The following KLHL12 variants were observed in gnomAD, a reference collection of about 807,000 sequenced individuals.
KLHL12 encodes kelch-like protein 12.
A neutral mutation model predicts 60.8 loss-of-function variants in KLHL12; 17 were observed. The observed-to-expected ratio is 0.28, with a 90% CI of 0.19 to 0.42. KLHL12 has a LOEUF of 0.42. KLHL12 is among the 10% of genes least tolerant of loss of function. The pLI is 1.00. For synonymous variants in KLHL12, 220 were observed against 250.9 expected (o/e 0.88, Z 1.16); for missense variants, 468 against 722.3 (o/e 0.65, Z 4.04).
upstream of KLHL12, among the ~76,000 whole-genome samples, chr1:202,927,746 G>C (rs964875557): frequency 6.7e-6 from 1 of 149,870 alleles, no homozygotes; most frequent in Non-Finnish European, 1.5e-5. Flanking sequence ...TTGGGAGGCC[G>C]AGGCGGGTGT....
chr1:202,895,728 G>A lies in KLHL12; in HGVS notation c.940-11C>T, dbSNP rs1002352756. On this transcript the variant is annotated splice_polypyrimidine_tract_variant and intron_variant, in intron 7 of 11. Coordinates refer to ENST00000367261, the MANE Select transcript of KLHL12 (RefSeq NM_021633.4). The surrounding 1 kb of genome is among the most constrained non-coding windows in gnomAD (Gnocchi z 4.2). Reference sequence around the variant, plus strand: ...CTTACGAGTGATGCTCTATGGATTTGGAGAGAAGAGGTACAGAGCATTTCA... The same window carrying A: ...CTTACGAGTGATGCTCTATGGATTTAGAGAGAAGAGGTACAGAGCATTTCA... 3.1e-6 allele frequency: 5 copies of A among 1,610,930 alleles called. No individual in the cohort carries two copies. The highest frequency in any genetic ancestry group is 4.2e-6 in the Non-Finnish European group (5 of 1,177,676).
chr1:202,922,372 C>T (rs1660720022), intron 2 of KLHL12, among the ~76,000 whole-genome samples: 1 of 150,818 alleles, frequency 6.6e-6, no homozygotes, highest in African/African-American at 2.4e-5. Flanking sequence ...TCGAGACCAT[C>T]CTGGCTAACA....
chr1:202,927,856 C>T (rs1366101024), upstream of KLHL12, among the ~76,000 whole-genome samples: 2 of 151,656 alleles, frequency 1.3e-5, no homozygotes, highest in African/African-American at 2.4e-5. Flanking sequence ...GTGGCACGCG[C>T]CTGTAATCCC....
intron 4 of KLHL12, among the ~76,000 whole-genome samples, chr1:202,914,560 T>C (rs1442290964): frequency 2.0e-5 from 3 of 152,048 alleles, no homozygotes; most frequent in Non-Finnish European, 4.4e-5. Flanking sequence ...GGTTTTTTAG[T>C]TTGCGTTTTT....
At chr1:202,905,508 T>C (rs1384552721) in intron 6 of KLHL12, among the ~76,000 whole-genome samples, 1 of 152,212 alleles carries the variant, frequency 6.6e-6, no homozygotes, top group Non-Finnish European at 1.5e-5. Context: ...AAAATCAAAG[T>C]AAGCAAAATG....
In KLHL12 at chr1:202,892,524, C is replaced by G. The variant is rs202025633; in HGVS notation, c.*9G>C. The G allele has an allele frequency of 2.4e-5, 38 of 1,613,004 alleles. No individual in the cohort carries two copies. Among genetic ancestry groups the G allele is most frequent in the Admixed American group, 8.3e-5 (5 of 60,000 alleles). On this transcript the variant is annotated 3_prime_UTR_variant, in exon 12 of 12. Coordinates refer to ENST00000367261, the MANE Select transcript of KLHL12 (RefSeq NM_021633.4). Reference sequence around the variant, plus strand: ...TGGTCACTAGCTCTGGATGGTGCTCCAACAATGGTCACTTCTCGCGGAGAA... The same window carrying G: ...TGGTCACTAGCTCTGGATGGTGCTCGAACAATGGTCACTTCTCGCGGAGAA...
At chr1:202,900,553 A>AATT (rs1022648657) in intron 6 of KLHL12, among the ~76,000 whole-genome samples, 3 of 151,958 alleles carry the variant, frequency 2.0e-5, no homozygotes, top group African/African-American at 4.8e-5. Flanking sequence ...TGTCTCAAAA[A>AATT]ATAAAATAAA....
chr1:202,924,863 CT>C, intron 2 of KLHL12, 104 bp downstream of exon 2: 2 of 1,313,902 alleles, frequency 1.5e-6, no homozygotes, highest in Non-Finnish European at 2.1e-6. Context: ...AAACATCACA[CT>C]GTAAAAATTC....
intron 11 of KLHL12, among the ~76,000 whole-genome samples, chr1:202,892,877 A>G (rs1365881645): frequency 6.6e-6 from 1 of 152,112 alleles, no homozygotes; most frequent in Non-Finnish European, 1.5e-5. Context: ...CAAGTCCTTC[A>G]TTAAGGCTGC....
At position 202,907,625 on chromosome 1, in the gene KLHL12, A is replaced by G. The variant is rs1300954789; in HGVS notation, c.832+1385T>C. Among the ~76,000 whole-genome samples, 6 of 141,204 alleles carry G rather than the reference A, an allele frequency of 4.2e-5. No homozygotes were observed. In the Admixed American group the frequency reaches 4.3e-4, roughly 10 times the overall value. 92.6% of individuals were successfully genotyped at this position (141,204 alleles called of 152,430 possible). On this transcript the variant is annotated intron_variant, in intron 6 of 11. Transcript: ENST00000367261. ...AAAAAAAAAAAAAAGGAAAAAAATTATATATATATATATGGGAGGCCTGTA... is the reference window on the plus strand; with the variant it reads ...AAAAAAAAAAAAAAGGAAAAAAATTGTATATATATATATGGGAGGCCTGTA...
upstream of KLHL12, among the ~76,000 whole-genome samples, chr1:202,927,852 C>T (rs918321195): frequency 6.6e-6 from 1 of 151,326 alleles, no homozygotes; most frequent in Admixed American, 6.6e-5. Flanking sequence ...CGTTGTGGCA[C>T]GCGCCTGTAA....
At chr1:202,912,166 G>T in intron 4 of KLHL12, 1 of 887,118 alleles carries the variant, frequency 1.1e-6, no homozygotes, top group South Asian at 1.3e-5. Flanking sequence ...AGACACTGAA[G>T]AACATCACCT....
chr1:202,914,261 C>G (rs1660453240), intron 4 of KLHL12, among the ~76,000 whole-genome samples: 1 of 152,262 alleles, frequency 6.6e-6, no homozygotes, highest in East Asian at 1.9e-4. Context: ...GGGCCAAGAG[C>G]TAGAAGAGGT....
rs896010133 is a variant in KLHL12 at position 202,909,910 on chromosome 1, C to T, written c.718-786G>A. ...TTTTGTTGTTTCTCTGAACTTGCGC[C>T]TTTGTAAACAGCTTCTTTATTAAAA... On this transcript the variant is annotated intron_variant, in intron 5 of 11. Transcript: ENST00000367261. This position sits in a 1 kb window ranked among gnomAD's most constrained non-coding sequence, Gnocchi z 4.1. Among the ~76,000 whole-genome samples, 2 of 152,090 alleles carry T rather than the reference C, an allele frequency of 1.3e-5. No homozygotes were observed. Among genetic ancestry groups the T allele is most frequent in the Non-Finnish European group, 2.9e-5 (2 of 68,020 alleles).
In KLHL12 at chr1:202,895,699, G is replaced by A. The variant is rs1659812802; in HGVS notation, c.958C>T (p.Arg320Cys). Residue 320 changes from arginine (R) to cysteine (C), a missense_variant, in exon 8 of 12, where the codon CGT becomes TGT. Physicochemically the swap from Arg to Cys is radical, Grantham distance 180. This residue lies in a region of KLHL12 where 339 missense variants were observed against 525.0 expected (regional missense o/e 0.65). Coordinates refer to ENST00000367261, the MANE Select transcript of KLHL12 (RefSeq NM_021633.4). The surrounding 1 kb of genome is among the most constrained non-coding windows in gnomAD (Gnocchi z 4.2). Reference protein sequence around the residue: ...SFLPSITRKRRYVASVSLHDR... With the variant: ...SFLPSITRKRCYVASVSLHDR... ...TGAAGGGACACTGAGGCCACATAAC[G>A]TCTCTTACGAGTGATGCTCTATGGA... is the stretch of plus-strand genomic sequence containing the variant. 1 of 1,613,846 alleles carries A rather than the reference G, an allele frequency of 6.2e-7. No individual in the cohort carries two copies. The highest frequency in any genetic ancestry group is 8.5e-7 in the Non-Finnish European group (1 of 1,179,876).
rs1303099208 is a variant in KLHL12 at position 202,894,034 on chromosome 1, CT to C, written c.1393+149del. ...TAATCTAGTTGTAAGTATCAACTGT[CT>C]TTATCCTAGTATTTAGAGAAAACAG... On this transcript the variant is annotated intron_variant, in intron 10 of 11. Coordinates refer to ENST00000367261, the MANE Select transcript of KLHL12 (RefSeq NM_021633.4). The C allele has an allele frequency of 7.9e-5, 44 of 559,924 alleles. No homozygotes were observed. The African/African-American group carries it at 8.0e-4, about 10-fold the overall frequency. The allele number at this position is 559,924 out of a possible 1,614,324, so 34.7% of individuals were successfully genotyped here.
intron 2 of KLHL12, 22 bp from the exon 3 acceptor site, chr1:202,919,930 A>G: frequency 6.2e-7 from 1 of 1,602,434 alleles, no homozygotes; most frequent in Non-Finnish European, 8.5e-7. Flanking sequence ...AAAGGTATAA[A>G]AGAATGATGG....
At chr1:202,928,433 T>C (rs1467629268), upstream of KLHL12, 2 of 1,164,374 alleles carry the variant, frequency 1.7e-6, no homozygotes, top group East Asian at 1.2e-4. Flanking sequence ...CAGAGAGAAT[T>C]CCAACGCTTA....
At position 202,891,755 on chromosome 1, in the gene KLHL12, C is replaced by T. The variant is rs926192212; in HGVS notation, c.*778G>A. The T allele has an allele frequency of 6.6e-6, 1 of 152,190 alleles. No individual in the cohort carries two copies. The highest frequency in any genetic ancestry group is 2.4e-5 in the African/African-American group (1 of 41,438). 9.4% of individuals were successfully genotyped at this position (152,190 alleles called of 1,614,324 possible). On this transcript the variant is annotated 3_prime_UTR_variant, in exon 12 of 12. Coordinates refer to ENST00000367261, the MANE Select transcript of KLHL12 (RefSeq NM_021633.4). ...CACATTGATGTCATCTTCTCTCATCCCAACATTTGTTCACTCTTTTATGCT... is the reference window on the plus strand; with the variant it reads ...CACATTGATGTCATCTTCTCTCATCTCAACATTTGTTCACTCTTTTATGCT...
Sources: allele counts gnomAD v4.1 joint callset (sites outside exome capture counted in the v4.1 genomes callset), GRCh38; gene constraint gnomAD v4.1.1; regional missense constraint gnomAD v4.1.1; non-coding constraint Gnocchi (gnomAD v3.1); transcripts MANE v1.5; gene names NCBI Gene and HGNC (gene_info 2026-07-23, HGNC 2026-07-21).